Variants in BICD1 observed in about 807,000 individuals in gnomAD.
BICD1 encodes the protein BICD cargo adaptor 1.
In BICD1, 35 loss-of-function variants were observed where a neutral mutation model predicts 92.5. That is an observed-to-expected ratio of 0.38 (90% CI 0.29 to 0.50). The LOEUF (loss-of-function observed/expected upper bound fraction) is 0.50, where lower values mean the gene tolerates loss of function less well. Among genes scored for constraint, BICD1 ranks in the 20% least tolerant of loss-of-function variants. BICD1 has a pLI of 0.93. For synonymous variants in BICD1, 429 were observed against 465.1 expected, an observed-to-expected ratio of 0.92 and a Z score of 1.00; for missense variants, 950 against 1,189.8, an observed-to-expected ratio of 0.80 and a Z score of 2.97.
intron 1 of BICD1, among the ~76,000 whole-genome samples, chr12:32,152,258 T>TTC (rs1456398922): frequency 6.8e-6 from 1 of 148,102 alleles, no homozygotes; most frequent in African/African-American, 2.5e-5. Context: ...TTTTTTAACT[T>TTC]TTTTTTTTTT....
intron 2 of BICD1, among the ~76,000 whole-genome samples, chr12:32,236,620 A>G (rs1946080824): frequency 2.0e-5 from 3 of 152,292 alleles, no homozygotes; most frequent in South Asian, 4.1e-4. Flanking sequence ...AAATCAAAAC[A>G]TAGAAATGAT....
intron 1 of BICD1, among the ~76,000 whole-genome samples, chr12:32,153,854 ACAT>A (rs1364735229): frequency 1.2e-4 from 18 of 151,194 alleles, no homozygotes; most frequent in African/African-American, 4.4e-4. Flanking sequence ...TATGTAATAA[ACAT>A]CATGTATATA....
chr12:32,355,266 T>A (rs1939052198), intron 8 of BICD1, among the ~76,000 whole-genome samples: 1 of 152,226 alleles, frequency 6.6e-6, no homozygotes, highest in Non-Finnish European at 1.5e-5. Flanking sequence ...GACAGGGATG[T>A]CTAAATTGTA....
chr12:32,217,113 T>G (rs1592494597), intron 2 of BICD1, among the ~76,000 whole-genome samples: 1 of 152,068 alleles, frequency 6.6e-6, no homozygotes, highest in Non-Finnish European at 1.5e-5. Flanking sequence ...AGTGGAGGGG[T>G]GATGTTGGAA....
chr12:32,124,968 A>C (rs529919189), intron 1 of BICD1, among the ~76,000 whole-genome samples: 11 of 152,298 alleles, frequency 7.2e-5, no homozygotes, highest in African/African-American at 2.2e-4. Context: ...CCAGACCAGG[A>C]GTACCTGTGA....
At chr12:32,219,528 A>G (rs553502651) in intron 2 of BICD1, among the ~76,000 whole-genome samples, 1 of 152,322 alleles carries the variant, frequency 6.6e-6, no homozygotes, top group East Asian at 1.9e-4. Flanking sequence ...ATCATTAATA[A>G]TGTTCTGCAT....
chr12:32,118,091 A>ATTTTATTTTATTTTTTTTTTTTT (rs1555126592), intron 1 of BICD1, among the ~76,000 whole-genome samples: 5 of 46,830 alleles, frequency 1.1e-4, no homozygotes, highest in Admixed American at 3.2e-4. Flanking sequence ...TATTTTATTT[A>ATTTTATTTTATTTTTTTTTTTTT]TTTTTTTTGA....
intron 2 of BICD1, among the ~76,000 whole-genome samples, chr12:32,245,347 C>T (rs1425921676): frequency 2.0e-5 from 3 of 151,384 alleles, no homozygotes; most frequent in East Asian, 3.9e-4. Context: ...CCCAGGTTCA[C>T]GCCATTCTCA....
At chr12:32,372,686 C>T (rs1431447812) in intron 9 of BICD1, among the ~76,000 whole-genome samples, 1 of 151,992 alleles carries the variant, frequency 6.6e-6, no homozygotes, top group Non-Finnish European at 1.5e-5. Context: ...CTAGATCAGC[C>T]TAGGCAACTT....
intron 1 of BICD1, among the ~76,000 whole-genome samples, chr12:32,209,646 A>G (rs1945156662): frequency 6.6e-6 from 1 of 152,184 alleles, no homozygotes; most frequent in Non-Finnish European, 1.5e-5. Flanking sequence ...ACTGCCAGTG[A>G]TTGTCTTTAA....
chr12:32,150,905 A>G (rs1943269255), intron 1 of BICD1, among the ~76,000 whole-genome samples: 1 of 152,108 alleles, frequency 6.6e-6, no homozygotes, highest in Non-Finnish European at 1.5e-5. Context: ...CTGTCCGAGC[A>G]TTTTCTTGTC....
chr12:32,278,773 A>T (rs57377080), intron 2 of BICD1, among the ~76,000 whole-genome samples: 1 of 152,164 alleles, frequency 6.6e-6, no homozygotes, highest in Non-Finnish European at 1.5e-5. Flanking sequence ...GGAGAATGGC[A>T]TGAACCCGGA....
At chr12:32,350,743 T>C (rs957557591) in intron 8 of BICD1, among the ~76,000 whole-genome samples, 1 of 152,184 alleles carries the variant, frequency 6.6e-6, no homozygotes, top group Admixed American at 6.5e-5. Flanking sequence ...CCCAGTGTAT[T>C]TTACCTGAAA....
intron 1 of BICD1, chr12:32,107,961 TAG>T: frequency 2.1e-6 from 1 of 483,538 alleles, no homozygotes; most frequent in Non-Finnish European, 3.8e-6. Context: ...TTTCAGGATT[TAG>T]ACTGTGTGGC....
At chr12:32,336,628 T>C (rs1267260204) in intron 6 of BICD1, among the ~76,000 whole-genome samples, 1 of 152,252 alleles carries the variant, frequency 6.6e-6, no homozygotes, top group Non-Finnish European at 1.5e-5. Flanking sequence ...TTATTTTGGA[T>C]ACTATAGGCA....
At chr12:32,239,914 AGCATTTTTT>A (rs1370417864) in intron 2 of BICD1, among the ~76,000 whole-genome samples, 3 of 152,110 alleles carry the variant, frequency 2.0e-5, no homozygotes, top group African/African-American at 7.2e-5. Context: ...GGCCCACTCA[AGCATTTTTT>A]AATTAAGGTA....
At chr12:32,339,130 T>C (rs1938255333) in intron 8 of BICD1, 151 bp downstream of exon 8, 1 of 1,345,948 alleles carries the variant, frequency 7.4e-7, no homozygotes, top group African/African-American at 1.5e-5. Flanking sequence ...TCCTTACACT[T>C]AGCTTCCCAT....
intron 8 of BICD1, among the ~76,000 whole-genome samples, chr12:32,358,477 G>T (rs906363113): frequency 6.6e-6 from 1 of 150,976 alleles, no homozygotes; most frequent in Non-Finnish European, 1.5e-5. Context: ...AGTGGCTCAC[G>T]CCTGTAATCC....
At chr12:32,322,167 ATT>A (rs1433006084) in intron 4 of BICD1, among the ~76,000 whole-genome samples, 1 of 152,010 alleles carries the variant, frequency 6.6e-6, no homozygotes, top group African/African-American at 2.4e-5. Flanking sequence ...GCCAAACTTA[ATT>A]ATCTGGGAGA....
Sources: allele counts gnomAD v4.1 joint callset (sites outside exome capture counted in the v4.1 genomes callset), GRCh38; gene constraint gnomAD v4.1.1; transcripts MANE v1.5; gene names NCBI Gene and HGNC (gene_info 2026-07-23, HGNC 2026-07-21).